Variants in FGF14 observed in about 807,000 individuals in gnomAD.
FGF14 encodes fibroblast growth factor 14.
A neutral mutation model predicts 25.5 loss-of-function variants in FGF14; 5 were observed. That is an observed-to-expected ratio of 0.20 (90% CI 0.10 to 0.41). FGF14 has a LOEUF of 0.41. FGF14 is among the 10% of genes least tolerant of loss of function. FGF14 has a pLI of 1.00. For synonymous variants in FGF14, 138 were observed against 118.3 expected (o/e 1.17, Z -1.08); for missense variants, 222 against 320.1 (o/e 0.69, Z 2.34).
chr13:102,003,033 C>G (rs993068113), intron 1 of FGF14: 2 of 151,982 alleles, frequency 1.3e-5, no homozygotes, highest in Non-Finnish European at 2.9e-5. Flanking sequence ...TGGAAAAACT[C>G]CAAAATTTAG....
intron 1 of FGF14, among the ~76,000 whole-genome samples, chr13:102,173,568 G>C (rs549571055): frequency 6.6e-6 from 1 of 152,266 alleles, no homozygotes; most frequent in South Asian, 2.1e-4. Flanking sequence ...CCAAGATGTG[G>C]AAACAACCCA....
At chr13:101,806,527 A>G (rs2041216820) in intron 3 of FGF14, among the ~76,000 whole-genome samples, 1 of 151,948 alleles carries the variant, frequency 6.6e-6, no homozygotes, top group South Asian at 2.1e-4. Context: ...TTAAAAAATC[A>G]TCTTAGCATC....
intron 3 of FGF14, among the ~76,000 whole-genome samples, chr13:101,733,906 A>C (rs1450284819): frequency 6.6e-6 from 1 of 151,632 alleles, no homozygotes; most frequent in Non-Finnish European, 1.5e-5. Context: ...TTAATAACTA[A>C]ATATCAAATA....
intron 1 of FGF14, among the ~76,000 whole-genome samples, chr13:102,246,140 G>A (rs971238078): frequency 1.3e-5 from 2 of 151,966 alleles, no homozygotes; most frequent in East Asian, 1.9e-4. Flanking sequence ...AAGCCACTGC[G>A]AGATACATTC....
chr13:102,156,075 G>A (rs1476442534), intron 1 of FGF14, among the ~76,000 whole-genome samples: 1 of 152,148 alleles, frequency 6.6e-6, no homozygotes, highest in Non-Finnish European at 1.5e-5. Context: ...AATTCTACCA[G>A]AGGTACAAGG....
intron 2 of FGF14, 86 bp downstream of exon 2, chr13:101,875,100 A>G: frequency 2.2e-6 from 2 of 915,262 alleles, no homozygotes; most frequent in Non-Finnish European, 3.6e-6. Flanking sequence ...ACGACCAAAC[A>G]TTTGCAAATG....
intron 3 of FGF14, among the ~76,000 whole-genome samples, chr13:101,867,101 C>T (rs193026002): frequency 6.6e-6 from 1 of 152,236 alleles, no homozygotes; most frequent in African/African-American, 2.4e-5. Flanking sequence ...TGCTATTGCA[C>T]GCAGTGACCC....
At chr13:102,161,651 A>T (rs868298165) in intron 1 of FGF14, among the ~76,000 whole-genome samples, 1 of 13,840 alleles carries the variant, frequency 7.2e-5, no homozygotes. Context: ...AAGAAGAAGA[A>T]GAAGAAGAAG....
chr13:101,737,546 C>A (rs925794391), intron 3 of FGF14, among the ~76,000 whole-genome samples: 2 of 152,050 alleles, frequency 1.3e-5, no homozygotes, highest in Admixed American at 1.3e-4. Context: ...TCAATATTTT[C>A]TTTCATTTCC....
At chr13:101,866,737 A>C (rs534029513) in intron 3 of FGF14, among the ~76,000 whole-genome samples, 31 of 152,294 alleles carry the variant, frequency 2.0e-4, no homozygotes, top group Admixed American at 6.5e-4. Context: ...TTTACATTGA[A>C]ATAAACAGAG....
At chr13:101,735,548 T>C (rs931229141) in intron 3 of FGF14, among the ~76,000 whole-genome samples, 2 of 152,050 alleles carry the variant, frequency 1.3e-5, no homozygotes, top group African/African-American at 4.8e-5. Context: ...GTACTCAAAA[T>C]GAATCTTTCC....
At chr13:102,231,748 T>A (rs1458325633) in intron 1 of FGF14, among the ~76,000 whole-genome samples, 4 of 152,184 alleles carry the variant, frequency 2.6e-5, no homozygotes, top group African/African-American at 9.6e-5. Context: ...CAGTCTGAAT[T>A]CAGATAACTG....
At chr13:102,286,973 T>C (rs928988955) in intron 1 of FGF14, among the ~76,000 whole-genome samples, 4 of 149,874 alleles carry the variant, frequency 2.7e-5, no homozygotes, top group Non-Finnish European at 5.9e-5. Context: ...TGAGCTTTAA[T>C]AGTCATGGGG....
At chr13:102,266,884 T>A (rs963122447) in intron 1 of FGF14, among the ~76,000 whole-genome samples, 1 of 151,836 alleles carries the variant, frequency 6.6e-6, no homozygotes, top group Non-Finnish European at 1.5e-5. Flanking sequence ...ACATATAAAC[T>A]CACTGGAGAC....
chr13:102,267,739 A>G (rs546180930), intron 1 of FGF14, among the ~76,000 whole-genome samples: 1 of 152,296 alleles, frequency 6.6e-6, no homozygotes, highest in African/African-American at 2.4e-5. Context: ...CCAAATGTAA[A>G]TGTTATAATC....
intron 1 of FGF14, among the ~76,000 whole-genome samples, chr13:101,885,924 A>G (rs1416432191): frequency 6.6e-6 from 1 of 152,168 alleles, no homozygotes; most frequent in Non-Finnish European, 1.5e-5. Context: ...CTTTAATTTT[A>G]TAGTACAGCT....
intron 1 of FGF14, among the ~76,000 whole-genome samples, chr13:102,365,244 A>G (rs1209085081): frequency 1.3e-5 from 2 of 152,000 alleles, no homozygotes; most frequent in Non-Finnish European, 2.9e-5. Context: ...CCACACACAC[A>G]CACAGCCTAG....
intron 1 of FGF14, among the ~76,000 whole-genome samples, chr13:102,144,670 G>C (rs570307642): frequency 6.6e-6 from 1 of 152,148 alleles, no homozygotes; most frequent in African/African-American, 2.4e-5. Flanking sequence ...GAAAAATCAT[G>C]AATCATTCAA....
At chr13:102,088,306 A>C (rs1201816060) in intron 1 of FGF14, among the ~76,000 whole-genome samples, 2 of 152,220 alleles carry the variant, frequency 1.3e-5, no homozygotes, top group Non-Finnish European at 2.9e-5. Context: ...AATCACTGCC[A>C]AGTTGGGAAA....
Sources: gnomAD v4.1 joint callset for allele counts (sites outside exome capture counted in the v4.1 genomes callset) on GRCh38, gnomAD v4.1.1 for gene constraint, MANE v1.5 for transcripts, NCBI Gene and HGNC (gene_info 2026-07-23, HGNC 2026-07-21) for gene names.